The following ACVR1C variants were observed in gnomAD, a reference collection of about 807,000 sequenced individuals.
ACVR1C encodes activin receptor type-1C.
A neutral mutation model predicts 57.9 loss-of-function variants in ACVR1C; 23 were observed. That is an observed-to-expected ratio of 0.40 (90% CI 0.29 to 0.56). The LOEUF (loss-of-function observed/expected upper bound fraction) is 0.56, where lower values mean the gene tolerates loss of function less well. ACVR1C is among the 20% of genes least tolerant of loss of function. The pLI, the probability that ACVR1C is intolerant of heterozygous loss-of-function variation, is 0.50. For synonymous variants in ACVR1C, 214 were observed against 215.3 expected, an observed-to-expected ratio of 0.99 and a Z score of 0.05; for missense variants, 480 against 607.9, an observed-to-expected ratio of 0.79 and a Z score of 2.21.
In ACVR1C at chr2:157,596,931, G is replaced by A. The variant is rs573657952; in HGVS notation, c.74-9514C>T. Reference sequence around the variant, plus strand: ...GGACAGTGTGGTAAACTGAGTCAGGGACACATGTAGGAGCTGTGAGCTGCG... The same window carrying A: ...GGACAGTGTGGTAAACTGAGTCAGGAACACATGTAGGAGCTGTGAGCTGCG... On this transcript the variant is annotated intron_variant, in intron 1 of 8. Transcript: ENST00000243349. 6.6e-4 allele frequency among the ~76,000 whole-genome samples: 100 copies of A among 152,334 alleles called. No individual in the cohort carries two copies. The Middle Eastern group carries it at 0.01, about 16-fold the overall frequency.
intron 1 of ACVR1C, among the ~76,000 whole-genome samples, chr2:157,608,208 T>G (rs1682450427): frequency 1.3e-5 from 2 of 151,964 alleles, no homozygotes; most frequent in Admixed American, 1.3e-4. Flanking sequence ...TTGTTAAATT[T>G]TATCAAATAC....
intron 1 of ACVR1C, among the ~76,000 whole-genome samples, chr2:157,619,337 G>A (rs981583035): frequency 2.0e-5 from 3 of 151,414 alleles, no homozygotes; most frequent in Non-Finnish European, 4.4e-5. Flanking sequence ...AAGGAAACTA[G>A]TAAAGATTTT....
At chr2:157,628,489 C>T in intron 1 of ACVR1C, 83 bp downstream of exon 1, 4 of 1,473,540 alleles carry the variant, frequency 2.7e-6, no homozygotes, top group African/African-American at 2.8e-5. Context: ...GGAGCACCCC[C>T]TGTCCCCCAC....
intron 2 of ACVR1C, among the ~76,000 whole-genome samples, chr2:157,558,199 C>T (rs1464522376): frequency 6.6e-6 from 1 of 152,174 alleles, no homozygotes; most frequent in Non-Finnish European, 1.5e-5. Flanking sequence ...GGCAAACTGC[C>T]TCCCCAGATG....
intron 1 of ACVR1C, among the ~76,000 whole-genome samples, chr2:157,614,411 C>T (rs968552076): frequency 6.6e-6 from 1 of 152,100 alleles, no homozygotes; most frequent in Admixed American, 6.5e-5. Flanking sequence ...TTGTTCTATG[C>T]CCCCACAATA....
At chr2:157,626,474 G>T (rs1044390876) in intron 1 of ACVR1C, among the ~76,000 whole-genome samples, 20 of 152,244 alleles carry the variant, frequency 1.3e-4, no homozygotes, top group Non-Finnish European at 2.1e-4. Context: ...TGCAGATCCA[G>T]ATGAAAGGTG....
At chr2:157,566,901 C>A (rs1253929471) in intron 2 of ACVR1C, among the ~76,000 whole-genome samples, 1 of 150,686 alleles carries the variant, frequency 6.6e-6, no homozygotes, top group Non-Finnish European at 1.5e-5. Context: ...GTAGGCTCCA[C>A]CTCTGGGGGC....
chr2:157,594,044 G>T (rs1008777421), intron 1 of ACVR1C, among the ~76,000 whole-genome samples: 2 of 152,300 alleles, frequency 1.3e-5, no homozygotes, highest in East Asian at 1.9e-4. Context: ...AGCTGAGAAG[G>T]AATGAAACCA....
At chr2:157,604,135 A>G (rs1682340618) in intron 1 of ACVR1C, among the ~76,000 whole-genome samples, 1 of 152,072 alleles carries the variant, frequency 6.6e-6, no homozygotes, top group South Asian at 2.1e-4. Flanking sequence ...AGGATCTCCA[A>G]TTTGGGGAGG....
At chr2:157,560,161 C>G (rs1688201691) in intron 2 of ACVR1C, among the ~76,000 whole-genome samples, 1 of 152,118 alleles carries the variant, frequency 6.6e-6, no homozygotes, top group Non-Finnish European at 1.5e-5. Context: ...TTACTATTCC[C>G]ATTACCTCCT....
At chr2:157,619,501 G>T (rs2105157079) in intron 1 of ACVR1C, among the ~76,000 whole-genome samples, 1 of 152,024 alleles carries the variant, frequency 6.6e-6, no homozygotes, top group South Asian at 2.1e-4. Flanking sequence ...TGGCCTATTG[G>T]CTATAAATAA....
rs556848917 is a variant in ACVR1C, at chr2:157,613,035, T to A, written c.73+15537A>T. Among the ~76,000 whole-genome samples, 170 of 152,336 alleles carry A rather than the reference T, an allele frequency of 1.1e-3. 1 individual carries two copies. Among genetic ancestry groups the A allele is most frequent in the Non-Finnish European group, 2.0e-3 (134 of 68,018 alleles). ...TTGTCCATGTTAGTCTAAGGGTTCA[T>A]ACAGGTAGAGGAGCTCTCCCATGGC... On this transcript the variant is annotated intron_variant, in intron 1 of 8. Coordinates refer to ENST00000243349, the MANE Select transcript of ACVR1C (RefSeq NM_145259.3).
chr2:157,592,686 A>C (rs982297642), intron 1 of ACVR1C, among the ~76,000 whole-genome samples: 14 of 152,110 alleles, frequency 9.2e-5, no homozygotes, highest in Non-Finnish European at 2.1e-4. Context: ...ATATAATTCA[A>C]CTATATTTAT....
intron 3 of ACVR1C, among the ~76,000 whole-genome samples, chr2:157,553,484 C>CAA (rs1253763231): frequency 1.3e-5 from 2 of 151,398 alleles, no homozygotes; most frequent in African/African-American, 4.9e-5. Context: ...TTTAAACATG[C>CAA]AAAAAACACC....
rs60269781 is a variant in ACVR1C at position 157,555,101 on chromosome 2, C to CTTTTTTTTTTTT, written c.544+980_544+991dup. 4.4e-4 allele frequency among the ~76,000 whole-genome samples: 37 copies of CTTTTTTTTTTTT among 83,950 alleles called. 7 individuals are homozygous for CTTTTTTTTTTTT. The highest frequency in any genetic ancestry group is 2.1e-3 in the African/African-American group (35 of 16,858). 55.1% of individuals were successfully genotyped at this position (83,950 alleles called of 152,430 possible). On this transcript the variant is annotated intron_variant, in intron 3 of 8. Coordinates refer to ENST00000243349, the MANE Select transcript of ACVR1C (RefSeq NM_145259.3). ...ATAATACAGCCTGGTACTTTGAACG[C>CTTTTTTTTTTTT]TTTTTTTTTTTTTTTTTTTTTTTTT...
intron 2 of ACVR1C, among the ~76,000 whole-genome samples, chr2:157,560,012 G>T (rs1688199399): frequency 6.6e-6 from 1 of 151,554 alleles, no homozygotes; most frequent in Non-Finnish European, 1.5e-5. Context: ...AAGGAAGGAA[G>T]GAAATTTTAA....
chr2:157,581,385 G>A (rs1448407265), intron 2 of ACVR1C, among the ~76,000 whole-genome samples: 5 of 151,978 alleles, frequency 3.3e-5, no homozygotes, highest in Non-Finnish European at 5.9e-5. Context: ...ACAGAAGGCC[G>A]AAATTACATG....
At chr2:157,582,706 GC>G (rs1354548345) in intron 2 of ACVR1C, among the ~76,000 whole-genome samples, 3 of 152,038 alleles carry the variant, frequency 2.0e-5, no homozygotes, top group African/African-American at 4.8e-5. Flanking sequence ...CATTATATTG[GC>G]TGTCCCATCC....
At chr2:157,615,291 A>C (rs1221660177) in intron 1 of ACVR1C, among the ~76,000 whole-genome samples, 1 of 149,322 alleles carries the variant, frequency 6.7e-6, no homozygotes, top group Non-Finnish European at 1.5e-5. Flanking sequence ...CTGTAGTGAG[A>C]CCCTGTCTCT....
Sources: gnomAD v4.1 joint callset for allele counts (sites outside exome capture counted in the v4.1 genomes callset) on GRCh38, gnomAD v4.1.1 for gene constraint, MANE v1.5 for transcripts, NCBI Gene and HGNC (gene_info 2026-07-23, HGNC 2026-07-21) for gene names.